The following PRKCE variants were observed in gnomAD, a reference collection of about 807,000 sequenced individuals.
PRKCE encodes the protein protein kinase C epsilon.
PRKCE carries 16 observed loss-of-function variants against 85.4 expected under a neutral mutation model. The observed-to-expected ratio is 0.19, with a 90% CI of 0.13 to 0.28. The LOEUF (loss-of-function observed/expected upper bound fraction) is 0.28. Among genes scored for constraint, PRKCE ranks in the 10% least tolerant of loss-of-function variants. The pLI, the probability that PRKCE is intolerant of heterozygous loss-of-function variation, is 1.00. For missense variants in PRKCE, 573 were observed against 975.2 expected (o/e 0.59, Z 5.49); for synonymous variants, 388 against 371.5 (o/e 1.04, Z -0.51).
In PRKCE at chr2:45,933,464, C is replaced by CTTTTTTTTTTTT. The variant is rs59991455; in HGVS notation, c.413-42949_413-42938dup. 1.7e-4 allele frequency among the ~76,000 whole-genome samples: 11 copies of CTTTTTTTTTTTT among 65,362 alleles called. 2 individuals are homozygous for CTTTTTTTTTTTT. The highest frequency in any genetic ancestry group is 5.5e-4 in the African/African-American group (9 of 16,236). 42.9% of individuals were successfully genotyped at this position (65,362 alleles called of 152,430 possible). A position where few individuals can be genotyped will look rare whatever the true frequency, so the allele number is the denominator to read the frequency against. On this transcript the variant is annotated intron_variant, in intron 2 of 14. Coordinates refer to ENST00000306156, the MANE Select transcript of PRKCE (RefSeq NM_005400.3). ...TTTTACCTTTCACCTCATATGCCTG[C>CTTTTTTTTTTTT]TTTTTTTTTTTTTTTTTTTTTTTTT...
At chr2:45,854,833 T>C (rs967090813) in intron 2 of PRKCE, among the ~76,000 whole-genome samples, 1 of 152,142 alleles carries the variant, frequency 6.6e-6, no homozygotes, top group African/African-American at 2.4e-5. Context: ...CCAAGTGGAA[T>C]AGAGAGAGAA....
At chr2:45,933,915 C>T (rs1699249241) in intron 2 of PRKCE, among the ~76,000 whole-genome samples, 1 of 152,176 alleles carries the variant, frequency 6.6e-6, no homozygotes, top group African/African-American at 2.4e-5. Flanking sequence ...TGGAAGCAAA[C>T]ATAAGTGCAG....
chr2:45,916,056 CAA>C (rs1454257111), intron 2 of PRKCE, among the ~76,000 whole-genome samples: 2 of 151,972 alleles, frequency 1.3e-5, no homozygotes, highest in Non-Finnish European at 2.9e-5. Context: ...CTCTAGGGCT[CAA>C]GAGAGAGATG....
chr2:46,048,496 T>G (rs887678986), intron 10 of PRKCE, among the ~76,000 whole-genome samples: 4 of 152,232 alleles, frequency 2.6e-5, no homozygotes, highest in African/African-American at 9.6e-5. Flanking sequence ...CCTCTGCCAG[T>G]GCCTCCTACC....
At chr2:46,048,552 G>C (rs1708666290) in intron 10 of PRKCE, among the ~76,000 whole-genome samples, 2 of 152,180 alleles carry the variant, frequency 1.3e-5, no homozygotes, top group Admixed American at 6.5e-5. Context: ...TGTCACCGAG[G>C]GGTGGACGTG....
intron 1 of PRKCE, among the ~76,000 whole-genome samples, chr2:45,736,933 A>G (rs1266478485): frequency 2.0e-5 from 3 of 152,214 alleles, no homozygotes; most frequent in Non-Finnish European, 4.4e-5. Context: ...CCCAAATCCC[A>G]GTCCCAGAAA....
chr2:45,689,727 C>G (rs1677578815), intron 1 of PRKCE, among the ~76,000 whole-genome samples: 1 of 151,822 alleles, frequency 6.6e-6, no homozygotes, highest in African/African-American at 2.4e-5. Flanking sequence ...AAAACCCTGT[C>G]TCTACTTAAA....
At chr2:45,960,391 T>C (rs1701291621) in intron 2 of PRKCE, among the ~76,000 whole-genome samples, 1 of 152,206 alleles carries the variant, frequency 6.6e-6, no homozygotes. Flanking sequence ...TAAATCAGTG[T>C]TCCCCAACCT....
intron 2 of PRKCE, among the ~76,000 whole-genome samples, chr2:45,951,807 A>T (rs1700640100): frequency 6.6e-6 from 1 of 152,200 alleles, no homozygotes; most frequent in Admixed American, 6.5e-5. Context: ...AACTCAGTTG[A>T]TCCAGACTCT....
chr2:46,039,621 C>G (rs1307839354), intron 10 of PRKCE, among the ~76,000 whole-genome samples: 1 of 151,950 alleles, frequency 6.6e-6, no homozygotes, highest in Non-Finnish European at 1.5e-5. Context: ...AAATTTTGCT[C>G]CCAGGGTCTA....
At chr2:45,944,684 T>TTTTTTG (rs1700120657) in intron 2 of PRKCE, among the ~76,000 whole-genome samples, 12 of 126,838 alleles carry the variant, frequency 9.5e-5, no homozygotes, top group East Asian at 5.5e-4. Context: ...TTTTTTTTTG[T>TTTTTTG]AGAGACAGGA....
intron 2 of PRKCE, among the ~76,000 whole-genome samples, chr2:45,948,640 T>TA (rs113545344): frequency 1.5e-4 from 23 of 152,268 alleles, no homozygotes; most frequent in African/African-American, 4.8e-4. Flanking sequence ...CCTTGTCTCT[T>TA]AAAAAAATTT....
chr2:46,081,607 T>C (rs373834285), intron 10 of PRKCE, among the ~76,000 whole-genome samples: 113 of 152,182 alleles, frequency 7.4e-4, no homozygotes, highest in African/African-American at 2.5e-3. Flanking sequence ...GAAAAGATGG[T>C]TGTGCTGAGA....
At chr2:45,689,226 G>A (rs1226089980) in intron 1 of PRKCE, among the ~76,000 whole-genome samples, 1 of 152,206 alleles carries the variant, frequency 6.6e-6, no homozygotes, top group Non-Finnish European at 1.5e-5. Flanking sequence ...CAGATTCCGA[G>A]TTGAAAGCAT....
At chr2:45,844,543 C>G (rs968700924) in intron 2 of PRKCE, among the ~76,000 whole-genome samples, 1 of 152,206 alleles carries the variant, frequency 6.6e-6, no homozygotes, top group Non-Finnish European at 1.5e-5. Flanking sequence ...GAAGCCTTGT[C>G]CTTGCTTTTA....
intron 1 of PRKCE, chr2:45,677,904 G>T: frequency 1.0e-6 from 1 of 985,404 alleles, no homozygotes; most frequent in South Asian, 4.7e-5. Context: ...TTCTGAAGGG[G>T]TAGTGGGAAC....
At chr2:46,088,456 A>C (rs935785637) in intron 11 of PRKCE, among the ~76,000 whole-genome samples, 4 of 152,144 alleles carry the variant, frequency 2.6e-5, no homozygotes, top group Non-Finnish European at 4.4e-5. Flanking sequence ...TCATTGCTGC[A>C]CCTGCCCCTG....
At chr2:46,132,615 G>A (rs1009867749) in intron 11 of PRKCE, among the ~76,000 whole-genome samples, 9 of 152,228 alleles carry the variant, frequency 5.9e-5, no homozygotes, top group Admixed American at 1.3e-4. Context: ...GTGCAGCCTC[G>A]TTGTCCATCA....
intron 1 of PRKCE, among the ~76,000 whole-genome samples, chr2:45,784,394 A>G (rs536248460): frequency 2.2e-4 from 34 of 152,370 alleles, no homozygotes; most frequent in African/African-American, 7.9e-4. Context: ...ATCTAGGAGA[A>G]GACTTACATT....
Sources: gnomAD v4.1 joint callset for allele counts (sites outside exome capture counted in the v4.1 genomes callset) on GRCh38, gnomAD v4.1.1 for gene constraint, MANE v1.5 for transcripts, NCBI Gene and HGNC (gene_info 2026-07-23, HGNC 2026-07-21) for gene names.